LYST: variants seen among roughly 807,000 people sequenced by gnomAD.
LYST encodes lysosomal-trafficking regulator.
Under a neutral mutation model 413.6 loss-of-function variants are expected in LYST, and 192 were observed. The ratio of observed to expected loss-of-function variants is 0.46; its 90% confidence interval spans 0.41 to 0.52. The LOEUF (loss-of-function observed/expected upper bound fraction) is 0.52, where lower values mean the gene tolerates loss of function less well. Among genes scored for constraint, LYST ranks in the 20% least tolerant of loss-of-function variants. The pLI, the probability that LYST is intolerant of heterozygous loss-of-function variation, is 0.00. For synonymous variants in LYST, 1,525 were observed against 1,567.3 expected (o/e 0.97, Z 0.64); for missense variants, 3,815 against 4,499.9 (o/e 0.85, Z 4.35).
chr1:235,741,685 C>A, intron 30 of LYST, 57 bp from the exon 31 acceptor site: 1 of 1,227,340 alleles, frequency 8.1e-7, no homozygotes. Context: ...CAATACCATG[C>A]TAGCCTCAAC....
intron 1 of LYST, among the ~76,000 whole-genome samples, chr1:235,857,784 C>CACACACACATAT (rs145820873): frequency 5.7e-4 from 70 of 122,130 alleles, no homozygotes; most frequent in African/African-American, 8.0e-4. Flanking sequence ...CACACACACA[C>CACACACACATAT]ATATATATAT....
At chr1:235,756,973 T>C (rs1020884967) in intron 24 of LYST, among the ~76,000 whole-genome samples, 6 of 152,102 alleles carry the variant, frequency 3.9e-5, no homozygotes, top group African/African-American at 1.4e-4. Flanking sequence ...ATTTACTAAG[T>C]GTTCAGATAT....
chr1:235,756,068 T>C (rs768438184), intron 24 of LYST, among the ~76,000 whole-genome samples: 2 of 148,888 alleles, frequency 1.3e-5, no homozygotes, highest in Non-Finnish European at 3.0e-5. Flanking sequence ...TATCTGTATC[T>C]ATATCTATCC....
Position 235,662,414 on chromosome 1 carries a change from A to G in LYST, c.*526T>C, listed in dbSNP as rs1658109715. 1 of 163,904 alleles carries G rather than the reference A, an allele frequency of 6.1e-6. No individual in the cohort carries two copies. Among genetic ancestry groups the G allele is most frequent in the South Asian group, 1.6e-4 (1 of 6,280 alleles). 10.2% of individuals were successfully genotyped at this position (163,904 alleles called of 1,614,324 possible). On this transcript the variant is annotated 3_prime_UTR_variant, in exon 53 of 53. Transcript: ENST00000389793. ...TCCATAAAATATTTGGTACAGAGGC[A>G]CCTACTGAATAATTTGCTTCTCAAA...
rs376751382 is a variant in LYST at position 235,751,377 on chromosome 1, T to C, written c.7628-15A>G. ...AACAGCCATATCTAAAAACAGAAGA[T>C]ACTAGAATGTTTTCAAGCTATGTGG... On this transcript the variant is annotated splice_polypyrimidine_tract_variant and intron_variant, in intron 27 of 52. Coordinates refer to ENST00000389793, the MANE Select transcript of LYST (RefSeq NM_000081.4). 1.2e-6 allele frequency: 2 copies of C among 1,607,870 alleles called. No homozygotes were observed. Among genetic ancestry groups the C allele is most frequent in the Non-Finnish European group, 8.5e-7 (1 of 1,174,956 alleles).
chr1:235,771,341 G>A (rs1411839700), intron 19 of LYST, among the ~76,000 whole-genome samples: 1 of 152,090 alleles, frequency 6.6e-6, no homozygotes, highest in African/African-American at 2.4e-5. Context: ...ATCCATAGAA[G>A]TAATATGTGT....
At chr1:235,737,991 T>A (rs1572108332) in intron 31 of LYST, 2 of 1,442,388 alleles carry the variant, frequency 1.4e-6, no homozygotes, top group East Asian at 4.8e-5. Flanking sequence ...CCAAGTCCAA[T>A]ATACTCTCAA....
rs1666549501 is a variant in LYST, at chr1:235,752,061, T to C, written c.7571A>G (p.Glu2524Gly). ...SSGSQYFRVI[E>G]DLIVMLGYLQ... ...ATATCCAAGCATTACAATAAGGTCT[T>C]CAATAACCCTAAAATATTGTGAGCC... is the stretch of plus-strand genomic sequence containing the variant. Residue 2524 changes from glutamate (E) to glycine (G), a missense_variant, in exon 27 of 53, where the codon GAA becomes GGA. Glu to Gly is a moderately conservative substitution (Grantham distance 98, BLOSUM62 -2). This residue lies in a region of LYST where 771 missense variants were observed against 837.1 expected (regional missense o/e 0.92). Transcript: ENST00000389793. 7 of 1,610,494 alleles carry C rather than the reference T, an allele frequency of 4.3e-6. No homozygotes were observed. Among genetic ancestry groups the C allele is most frequent in the Non-Finnish European group, 5.9e-6 (7 of 1,177,124 alleles).
chr1:235,797,614 C>T (rs970730404), intron 10 of LYST, among the ~76,000 whole-genome samples: 8 of 151,872 alleles, frequency 5.3e-5, no homozygotes, highest in Non-Finnish European at 8.8e-5. Context: ...TACCTAACAC[C>T]GTATACAAAA....
chr1:235,751,309 T>A lies in LYST; in HGVS notation c.7681A>T (p.Arg2561Trp). 1 of 1,613,616 alleles carries A rather than the reference T, an allele frequency of 6.2e-7. No homozygotes were observed. Among genetic ancestry groups the A allele is most frequent in the South Asian group, 1.1e-5 (1 of 91,082 alleles). The part of the protein sequence containing the change: ...RVLQAAMEFI[R>W]TTANHDSENL... ...TCAGAGTCATGATTTGCGGTGGTCC[T>A]TATAAATTCCATAGCAGCCTGGAGA... The change falls in exon 28 of 53, where the codon AGG becomes TGG. Residue 2561 changes from arginine to tryptophan, a missense_variant. Arg to Trp is a moderately radical substitution (Grantham distance 101). Transcript: ENST00000389793.
At chr1:235,677,063 C>T (rs1659438740) in intron 50 of LYST, 28 bp downstream of exon 50, 1 of 1,552,856 alleles carries the variant, frequency 6.4e-7, no homozygotes, top group Admixed American at 1.7e-5. Context: ...ACCAGCCAGC[C>T]CTGTGCTTTG....
chr1:235,677,652 C>T (rs752510934), intron 48 of LYST, 33 bp from the exon 49 acceptor site: 2 of 1,581,358 alleles, frequency 1.3e-6, no homozygotes, highest in South Asian at 2.2e-5. Flanking sequence ...GAGATAAAAA[C>T]CACAACAAAA....
At chr1:235,738,790 T>C (rs553600044) in intron 31 of LYST, 9 of 984,366 alleles carry the variant, frequency 9.1e-6, no homozygotes, top group African/African-American at 1.6e-5. Flanking sequence ...GAAAGTATAA[T>C]GAAGAATCTT....
intron 25 of LYST, among the ~76,000 whole-genome samples, chr1:235,754,224 C>CTTTTTT (rs1558192376): frequency 2.7e-5 from 3 of 111,358 alleles, no homozygotes; most frequent in Non-Finnish European, 4.2e-5. Flanking sequence ...TTTTTCTTTT[C>CTTTTTT]TTTTCTTTTT....
Position 235,791,899 on chromosome 1 carries a change from A to G in LYST, c.4343T>C (p.Leu1448Pro). ...GACTGGGGCTATGTGCCAAGATGAA[A>G]GCAGCCGATGGGGAAAACTCTCTCT... is the stretch of plus-strand genomic sequence containing the variant. ...ADRESFPHRL[L>P]SSWHIAPVHL... Residue 1448 changes from leucine to proline, a missense_variant, in exon 12 of 53, where the codon CTT (leucine) becomes CCT (proline). Coordinates refer to ENST00000389793, the MANE Select transcript of LYST (RefSeq NM_000081.4). 6.2e-7 allele frequency: 1 copy of G among 1,614,184 alleles called. No homozygotes were observed. Among genetic ancestry groups the G allele is most frequent in the Non-Finnish European group, 8.5e-7 (1 of 1,180,012 alleles).
rs547978852 is a variant in LYST at position 235,661,494 on chromosome 1, C to T, written c.*1446G>A. ...GCCTGAGCACACGGTGATCTAAATG[C>T]AGCCTAGGTATCACTACATGTGTAT... On this transcript the variant is annotated 3_prime_UTR_variant, in exon 53 of 53. Coordinates refer to ENST00000389793, the MANE Select transcript of LYST (RefSeq NM_000081.4). The T allele has an allele frequency of 1.6e-4, 24 of 152,412 alleles. No homozygotes were observed. Among genetic ancestry groups the T allele is most frequent in the African/African-American group, 5.3e-4 (22 of 41,574 alleles). 9.4% of individuals were successfully genotyped at this position (152,412 alleles called of 1,614,324 possible). A position where few individuals can be genotyped will look rare whatever the true frequency, so the allele number is the denominator to read the frequency against.
At chr1:235,743,068 C>A (rs1368055682) in intron 30 of LYST, among the ~76,000 whole-genome samples, 1 of 152,168 alleles carries the variant, frequency 6.6e-6, no homozygotes, top group Non-Finnish European at 1.5e-5. Context: ...TCAGTACCAT[C>A]TGTGGTTTCA....
intron 40 of LYST, among the ~76,000 whole-genome samples, chr1:235,718,316 C>T (rs1185464720): frequency 2.0e-5 from 3 of 151,784 alleles, no homozygotes; most frequent in Non-Finnish European, 4.4e-5. Context: ...ACATGTTGGT[C>T]TATACACACC....
Position 235,753,156 on chromosome 1 carries a change from G to A in LYST, c.7348C>T (p.Leu2450Phe). 1 of 1,607,206 alleles carries A rather than the reference G, an allele frequency of 6.2e-7. No individual in the cohort carries two copies. The highest frequency in any genetic ancestry group is 8.5e-7 in the Non-Finnish European group (1 of 1,173,988). ...DNILLHNALL[L>F]LLQILNSCSK... is the part of the protein sequence containing the mutation. ...CAAGAATTTAAAATTTGGAGAAGAAGTAAAAGAGCATTATGCAAGAGTATG... is the reference window on the plus strand; with the variant it reads ...CAAGAATTTAAAATTTGGAGAAGAAATAAAAGAGCATTATGCAAGAGTATG... Residue 2450 changes from leucine (L) to phenylalanine (F), a missense_variant, in exon 26 of 53, where the codon CTT (leucine) becomes TTT (phenylalanine). Physicochemically the swap from Leu to Phe is conservative, Grantham distance 22. Coordinates refer to ENST00000389793, the MANE Select transcript of LYST (RefSeq NM_000081.4).
Sources: allele counts gnomAD v4.1 joint callset (sites outside exome capture counted in the v4.1 genomes callset), GRCh38; gene constraint gnomAD v4.1.1; regional missense constraint gnomAD v4.1.1; transcripts MANE v1.5; gene names NCBI Gene and HGNC (gene_info 2026-07-23, HGNC 2026-07-21).